Variants in HS6ST3 observed in about 807,000 individuals in gnomAD.
HS6ST3 encodes heparan-sulfate 6-O-sulfotransferase 3.
In HS6ST3, 12 loss-of-function variants were observed where a neutral mutation model predicts 36.7. The observed-to-expected ratio is 0.33, with a 90% CI of 0.21 to 0.53. The LOEUF is 0.53. Ranked by LOEUF, HS6ST3 falls within the 20% of genes least tolerant of loss-of-function variation. The pLI, the probability that HS6ST3 is intolerant of heterozygous loss-of-function variation, is 0.95. For missense variants in HS6ST3, 584 were observed against 640.9 expected, an observed-to-expected ratio of 0.91 and a Z score of 0.96; for synonymous variants, 240 against 257.5, an observed-to-expected ratio of 0.93 and a Z score of 0.65.
rs145570560 is a variant in HS6ST3, at chr13:96,181,488, C to T, written c.707+89919C>T. Among the ~76,000 whole-genome samples the T allele has an allele frequency of 6.1e-3, 924 of 152,248 alleles. 2 individuals carry two copies. Among genetic ancestry groups the T allele is most frequent in the Non-Finnish European group, 7.1e-3 (482 of 68,024 alleles). On this transcript the variant is annotated intron_variant, in intron 1 of 1. Coordinates refer to ENST00000376705, the MANE Select transcript of HS6ST3 (RefSeq NM_153456.4). ...AGGAAAGGAGAGGTTTTTTCTGCCT[C>T]GTTTGAGCTCAGTGGCCAGCAGTTT...
chr13:96,530,377 T>G (rs572279034), intron 1 of HS6ST3, among the ~76,000 whole-genome samples: 1 of 152,172 alleles, frequency 6.6e-6, no homozygotes, highest in Non-Finnish European at 1.5e-5. Context: ...AGATTTGCAG[T>G]AGGTTCTGGA....
chr13:96,801,869 A>G (rs554847640), intron 1 of HS6ST3, among the ~76,000 whole-genome samples: 1 of 152,220 alleles, frequency 6.6e-6, no homozygotes, highest in African/African-American at 2.4e-5. Context: ...ATAAATCATA[A>G]TGGGATTTAT....
intron 1 of HS6ST3, among the ~76,000 whole-genome samples, chr13:96,448,280 T>C (rs78545318): frequency 0.015 from 2,255 of 152,332 alleles, 33 homozygotes; most frequent in South Asian, 0.036. Context: ...ACCTGCTTAA[T>C]TGTGTCTATT....
intron 1 of HS6ST3, among the ~76,000 whole-genome samples, chr13:96,810,490 C>G (rs903475217): frequency 2.6e-5 from 4 of 152,196 alleles, no homozygotes; most frequent in Non-Finnish European, 5.9e-5. Context: ...CTATGATAGA[C>G]TCTGTGCAAA....
chr13:96,662,736 C>T (rs1187948928), intron 1 of HS6ST3, among the ~76,000 whole-genome samples: 1 of 152,124 alleles, frequency 6.6e-6, no homozygotes, highest in African/African-American at 2.4e-5. Flanking sequence ...TCTTTCTCAT[C>T]TGGAGAAGCT....
At chr13:96,497,442 T>G (rs988965806) in intron 1 of HS6ST3, among the ~76,000 whole-genome samples, 2 of 152,168 alleles carry the variant, frequency 1.3e-5, no homozygotes, top group Admixed American at 6.5e-5. Context: ...ACTTATTAGT[T>G]TAAAGTACTT....
At chr13:96,829,486 C>A (rs575732598) in intron 1 of HS6ST3, among the ~76,000 whole-genome samples, 80 of 152,108 alleles carry the variant, frequency 5.3e-4, no homozygotes, top group Non-Finnish European at 6.0e-4. Flanking sequence ...CCTCGCACCC[C>A]CCAACTTCTG....
At chr13:96,514,214 A>C (rs752004803) in intron 1 of HS6ST3, among the ~76,000 whole-genome samples, 2 of 152,182 alleles carry the variant, frequency 1.3e-5, no homozygotes, top group Non-Finnish European at 2.9e-5. Context: ...AGATTCAGTG[A>C]TACCAGCGTG....
intron 1 of HS6ST3, among the ~76,000 whole-genome samples, chr13:96,098,062 A>G (rs1329596695): frequency 6.6e-6 from 1 of 152,230 alleles, no homozygotes; most frequent in Non-Finnish European, 1.5e-5. Context: ...TATGGAGACC[A>G]GAGCTTATTG....
chr13:96,708,883 G>A (rs968556483), intron 1 of HS6ST3, among the ~76,000 whole-genome samples: 1 of 152,156 alleles, frequency 6.6e-6, no homozygotes, highest in Non-Finnish European at 1.5e-5. Flanking sequence ...AAAAATAAAG[G>A]TTGGATACCC....
At chr13:96,622,230 A>G (rs1420595441) in intron 1 of HS6ST3, among the ~76,000 whole-genome samples, 1 of 152,086 alleles carries the variant, frequency 6.6e-6, no homozygotes, top group Non-Finnish European at 1.5e-5. Context: ...AAAAAAACAA[A>G]GTTTTTGATA....
chr13:96,478,479 A>G (rs1171235801), intron 1 of HS6ST3, among the ~76,000 whole-genome samples: 2 of 152,154 alleles, frequency 1.3e-5, no homozygotes, highest in African/African-American at 4.8e-5. Context: ...GGGGTTAAGT[A>G]AGAGTCCATT....
chr13:96,364,807 C>T (rs565922673), intron 1 of HS6ST3, among the ~76,000 whole-genome samples: 1 of 152,080 alleles, frequency 6.6e-6, no homozygotes, highest in Non-Finnish European at 1.5e-5. Context: ...GGAGGGAATA[C>T]TATTGGAAGA....
At chr13:96,750,308 T>G (rs1326427252) in intron 1 of HS6ST3, among the ~76,000 whole-genome samples, 2 of 152,196 alleles carry the variant, frequency 1.3e-5, no homozygotes, top group African/African-American at 4.8e-5. Context: ...AGACCAGGGA[T>G]TGTAAGAAAC....
chr13:96,160,784 G>T (rs1355417958), intron 1 of HS6ST3, among the ~76,000 whole-genome samples: 2 of 152,194 alleles, frequency 1.3e-5, no homozygotes, highest in Non-Finnish European at 2.9e-5. Context: ...ATCTGATGGG[G>T]CAGATGGATG....
chr13:96,355,836 A>G (rs1566335861), intron 1 of HS6ST3, among the ~76,000 whole-genome samples: 2 of 152,182 alleles, frequency 1.3e-5, no homozygotes, highest in Non-Finnish European at 2.9e-5. Flanking sequence ...TAGCATTTTT[A>G]TGCACAGTAG....
At chr13:96,280,562 A>G (rs1285501481) in intron 1 of HS6ST3, among the ~76,000 whole-genome samples, 3 of 152,202 alleles carry the variant, frequency 2.0e-5, no homozygotes, top group Admixed American at 6.5e-5. Flanking sequence ...TGTTTGAACA[A>G]TCAGAGAGTT....
chr13:96,127,294 C>T (rs531371197), intron 1 of HS6ST3, among the ~76,000 whole-genome samples: 32 of 152,234 alleles, frequency 2.1e-4, no homozygotes, highest in African/African-American at 6.3e-4. Flanking sequence ...TTCCATGGAC[C>T]GGGAGTGGTT....
chr13:96,633,333 G>T (rs748850726), intron 1 of HS6ST3, among the ~76,000 whole-genome samples: 1 of 152,188 alleles, frequency 6.6e-6, no homozygotes, highest in African/African-American at 2.4e-5. Context: ...GCCTGTGAAA[G>T]AATAAAATTT....
Sources: gnomAD v4.1 joint callset for allele counts (sites outside exome capture counted in the v4.1 genomes callset) on GRCh38, gnomAD v4.1.1 for gene constraint, MANE v1.5 for transcripts, NCBI Gene and HGNC (gene_info 2026-07-23, HGNC 2026-07-21) for gene names.